Variants in RFX6 observed in about 807,000 individuals in gnomAD.
RFX6 encodes regulatory factor X6.
Under a neutral mutation model 110.8 loss-of-function variants are expected in RFX6, and 50 were observed. The ratio of observed to expected loss-of-function variants is 0.45; its 90% confidence interval spans 0.36 to 0.57. The LOEUF (loss-of-function observed/expected upper bound fraction) is 0.57, where lower values mean the gene tolerates loss of function less well. Ranked by LOEUF, RFX6 falls within the 20% of genes least tolerant of loss-of-function variation. RFX6 has a pLI of 0.00. For missense variants in RFX6, 990 were observed against 1,127.0 expected (o/e 0.88, Z 1.74); for synonymous variants, 383 against 411.2 (o/e 0.93, Z 0.83).
chr6:116,924,158 A>G (rs1463230278), intron 14 of RFX6, among the ~76,000 whole-genome samples: 1 of 152,200 alleles, frequency 6.6e-6, no homozygotes, highest in Non-Finnish European at 1.5e-5. Context: ...TCCAGAACAT[A>G]TTTCACTTGA....
Position 116,925,587 on chromosome 6 carries a change from A to G in RFX6, c.1813A>G (p.Ser605Gly). The change falls in exon 16 of 19, where the codon AGT becomes GGT. Residue 605 changes from serine to glycine, a missense_variant. This residue lies in a region of RFX6 where 438 missense variants were observed against 441.9 expected (regional missense o/e 0.99). Transcript: ENST00000332958. ...VETTYLPLPSSQPGGLGPALH... is the reference protein window; with the variant it reads ...VETTYLPLPSGQPGGLGPALH... The stretch of plus-strand genomic sequence containing the variant: ...GACAACCTATCTCCCTCTGCCATCC[A>G]GTCAACCTGGAGGCCTAGGCCCTGC... 6.2e-7 allele frequency: 1 copy of G among 1,614,004 alleles called. No individual in the cohort carries two copies. Among genetic ancestry groups the G allele is most frequent in the Non-Finnish European group, 8.5e-7 (1 of 1,179,834 alleles).
intron 6 of RFX6, among the ~76,000 whole-genome samples, chr6:116,896,266 C>A (rs1435480536): frequency 6.6e-6 from 1 of 152,128 alleles, no homozygotes; most frequent in African/African-American, 2.4e-5. Flanking sequence ...AAATATTTCT[C>A]AAGTCTACTT....
chr6:116,912,470 C>T (rs1030879077), intron 7 of RFX6, among the ~76,000 whole-genome samples: 1 of 152,108 alleles, frequency 6.6e-6, no homozygotes, highest in African/African-American at 2.4e-5. Flanking sequence ...TTACATTTCT[C>T]AAGGTTATCA....
intron 6 of RFX6, among the ~76,000 whole-genome samples, chr6:116,908,721 G>T (rs1333617887): frequency 6.7e-6 from 1 of 150,366 alleles, no homozygotes; most frequent in Admixed American, 6.6e-5. Context: ...CACACAGAGG[G>T]ATTGAGAGAG....
At chr6:116,908,972 C>A (rs573821437) in intron 6 of RFX6, among the ~76,000 whole-genome samples, 21 of 151,926 alleles carry the variant, frequency 1.4e-4, no homozygotes, top group Admixed American at 9.8e-4. Flanking sequence ...TTGACATATA[C>A]GTTTTCAAGT....
At chr6:116,929,766 A>C (rs1775841654) in intron 18 of RFX6, among the ~76,000 whole-genome samples, 1 of 152,246 alleles carries the variant, frequency 6.6e-6, no homozygotes, top group Non-Finnish European at 1.5e-5. Flanking sequence ...TGAGATGGTT[A>C]AAGTCTTCCA....
At chr6:116,925,374 C>A in intron 15 of RFX6, 79 bp from the exon 16 acceptor site, 1 of 1,164,568 alleles carries the variant, frequency 8.6e-7, no homozygotes, top group South Asian at 1.2e-5. Context: ...GAAACATTTT[C>A]ATTTTCTTTT....
chr6:116,913,869 C>T (rs939947572), intron 7 of RFX6, among the ~76,000 whole-genome samples: 7 of 152,084 alleles, frequency 4.6e-5, no homozygotes, highest in Non-Finnish European at 7.4e-5. Flanking sequence ...ATAATTTGTA[C>T]GGATAAATCA....
In RFX6 at chr6:116,916,073, A is replaced by T; in HGVS notation, c.846A>T (p.Gly282=). ...GTATCCTGGACAATGCAATTAATGG[A>T]AACTTTGAAGAGGTAAGAATGACAA... The part of the protein sequence containing the change: ...CQCILDNAIN[G]NFEEIQHFLL... Residue 282 remains glycine (G), a synonymous_variant, in exon 8 of 19, where the codon GGA becomes GGT. Coordinates refer to ENST00000332958, the MANE Select transcript of RFX6 (RefSeq NM_173560.4). The T allele has an allele frequency of 1.2e-6, 2 of 1,608,392 alleles. No homozygotes were observed. The highest frequency in any genetic ancestry group is 1.7e-6 in the Non-Finnish European group (2 of 1,175,012).
chr6:116,912,223 A>T (rs970575439), intron 7 of RFX6, among the ~76,000 whole-genome samples: 2 of 152,062 alleles, frequency 1.3e-5, no homozygotes, highest in Non-Finnish European at 2.9e-5. Flanking sequence ...AAAACTAACT[A>T]TTGGGTACTA....
chr6:116,895,081 A>G (rs1361751187), intron 5 of RFX6, 99 bp from the exon 6 acceptor site: 3 of 650,416 alleles, frequency 4.6e-6, no homozygotes, highest in South Asian at 2.0e-5. Context: ...TTCTCTAATC[A>G]TGGTATGAAA....
At chr6:116,927,750 T>TTTTC (rs1436109633) in intron 17 of RFX6, among the ~76,000 whole-genome samples, 7 of 148,672 alleles carry the variant, frequency 4.7e-5, no homozygotes, top group African/African-American at 1.5e-4. Flanking sequence ...TTCCTTTTTT[T>TTTTC]TTTTTTTTTT....
At chr6:116,889,935 C>T (rs771370964) in intron 4 of RFX6, among the ~76,000 whole-genome samples, 3 of 152,010 alleles carry the variant, frequency 2.0e-5, no homozygotes, top group Non-Finnish European at 2.9e-5. Flanking sequence ...TTACATTCTG[C>T]GAGTTTATAC....
chr6:116,928,607 C>A, intron 17 of RFX6, 152 bp from the exon 18 acceptor site: 2 of 678,026 alleles, frequency 2.9e-6, no homozygotes, highest in Non-Finnish European at 5.4e-6. Context: ...CATGTACAAG[C>A]ACAAATCCAG....
intron 7 of RFX6, among the ~76,000 whole-genome samples, chr6:116,913,971 A>C (rs967454276): frequency 2.0e-5 from 3 of 152,340 alleles, no homozygotes; most frequent in Non-Finnish European, 2.9e-5. Context: ...TTGAATATGC[A>C]ATAGATTATT....
chr6:116,914,178 G>C (rs1775415884), intron 7 of RFX6, among the ~76,000 whole-genome samples: 1 of 152,092 alleles, frequency 6.6e-6, no homozygotes, highest in African/African-American at 2.4e-5. Flanking sequence ...GAGATCATGT[G>C]ATATTTGTCT....
At chr6:116,888,628 T>C (rs1774751808) in intron 4 of RFX6, among the ~76,000 whole-genome samples, 1 of 152,180 alleles carries the variant, frequency 6.6e-6, no homozygotes, top group African/African-American at 2.4e-5. Flanking sequence ...TTGGGAATCT[T>C]TATTCAGAGT....
Position 116,920,312 on chromosome 6 carries a change from T to C in RFX6, c.1185T>C (p.Ile395=), listed in dbSNP as rs773079045. 1.2e-5 allele frequency: 19 copies of C among 1,610,802 alleles called. No homozygotes were observed. Among genetic ancestry groups the C allele is most frequent in the Non-Finnish European group, 1.4e-5 (17 of 1,177,096 alleles). The part of the protein sequence containing the change: ...RQTSFLHLAQ[I]ARPALFDQHV... Reference sequence around the variant, plus strand: ...TCTTCTTTACTTTCTCTATGCAGATTGCCAGACCAGCTCTCTTTGACCAGC... The same window carrying C: ...TCTTCTTTACTTTCTCTATGCAGATCGCCAGACCAGCTCTCTTTGACCAGC... Residue 395 remains isoleucine (I), a splice_region_variant and synonymous_variant, in exon 12 of 19, where the codon ATT becomes ATC. Coordinates refer to ENST00000332958, the MANE Select transcript of RFX6 (RefSeq NM_173560.4).
intron 11 of RFX6, 110 bp downstream of exon 11, chr6:116,919,406 C>G: frequency 1.1e-6 from 1 of 927,072 alleles, no homozygotes. Context: ...AAGTAGACAA[C>G]AACTAAATGC....
Sources: gnomAD v4.1 joint callset for allele counts (sites outside exome capture counted in the v4.1 genomes callset) on GRCh38, gnomAD v4.1.1 for gene constraint, gnomAD v4.1.1 regional missense constraint, MANE v1.5 for transcripts, NCBI Gene and HGNC (gene_info 2026-07-23, HGNC 2026-07-21) for gene names.